Variants in ARB2A observed in about 807,000 individuals in gnomAD.
ARB2A encodes cotranscriptional regulator ARB2A.
At chr5:93,941,098 T>C in the ARB2A span, among the ~76,000 whole-genome samples, 3 of 152,152 alleles carry the variant, frequency 2.0e-5, no homozygotes, top group Admixed American at 6.5e-5. Context: ...TGATGACACT[T>C]TTCTCTAGGG....
chr5:94,098,344 T>C, the ARB2A span, among the ~76,000 whole-genome samples: 1 of 151,912 alleles, frequency 6.6e-6, no homozygotes, highest in Admixed American at 6.6e-5. Flanking sequence ...CTCAAAACCA[T>C]ACAAATACAT....
chr5:93,830,311 G>GTGTATGTGTGTGTATA, the ARB2A span, among the ~76,000 whole-genome samples: 4,192 of 81,478 alleles, frequency 0.051, 138 homozygotes, highest in African/African-American at 0.059. Flanking sequence ...GTGTGTGTGT[G>GTGTATGTGTGTGTATA]TATATATATA....
chr5:93,670,358 T>C, the ARB2A span, among the ~76,000 whole-genome samples: 1 of 152,240 alleles, frequency 6.6e-6, no homozygotes, highest in African/African-American at 2.4e-5. Context: ...CTCTAAGCAA[T>C]GTGGCTTCTG....
chr5:94,016,269 G>A, the ARB2A span, among the ~76,000 whole-genome samples: 2 of 152,162 alleles, frequency 1.3e-5, no homozygotes, highest in Non-Finnish European at 2.9e-5. Context: ...GGGGTATAGT[G>A]TTAAGAAAGT....
chr5:93,631,805 G>A, the ARB2A span, among the ~76,000 whole-genome samples: 1 of 151,274 alleles, frequency 6.6e-6, no homozygotes, highest in Non-Finnish European at 1.5e-5. Context: ...GATAGGGAGA[G>A]GGGGAGAGGG....
At chr5:93,800,066 T>G in the ARB2A span, among the ~76,000 whole-genome samples, 14 of 152,136 alleles carry the variant, frequency 9.2e-5, no homozygotes, top group East Asian at 2.3e-3. Context: ...AATGCACATA[T>G]CTATTTCTCT....
the ARB2A span, chr5:93,784,141 C>T: frequency 3.2e-6 from 1 of 312,086 alleles, no homozygotes; most frequent in Non-Finnish European, 5.8e-6. Flanking sequence ...ATAGATTGAA[C>T]ACTATACACA....
chr5:93,723,199 C>T, the ARB2A span, among the ~76,000 whole-genome samples: 3 of 152,224 alleles, frequency 2.0e-5, no homozygotes, highest in South Asian at 6.2e-4. Flanking sequence ...ATGACTTCAA[C>T]AAATCTCACC....
the ARB2A span, among the ~76,000 whole-genome samples, chr5:93,916,910 G>C: frequency 6.6e-6 from 1 of 151,962 alleles, no homozygotes; most frequent in East Asian, 1.9e-4. Context: ...ATTTTACAAA[G>C]AAAAGTATAA....
At chr5:93,737,270 G>T in the ARB2A span, 1 of 152,058 alleles carries the variant, frequency 6.6e-6, no homozygotes, top group Non-Finnish European at 1.5e-5. Context: ...CTAAAACACT[G>T]CTCAAAGAAA....
the ARB2A span, among the ~76,000 whole-genome samples, chr5:93,652,064 T>C: frequency 6.6e-6 from 1 of 152,120 alleles, no homozygotes; most frequent in Non-Finnish European, 1.5e-5. Flanking sequence ...AATAGCATAT[T>C]GGTAGACACA....
chr5:93,832,776 C>G, the ARB2A span, among the ~76,000 whole-genome samples: 1 of 152,124 alleles, frequency 6.6e-6, no homozygotes, highest in African/African-American at 2.4e-5. Context: ...TACTCCCCTA[C>G]AAGTGCTGAT....
chr5:93,957,822 C>T, the ARB2A span, among the ~76,000 whole-genome samples: 1 of 151,968 alleles, frequency 6.6e-6, no homozygotes, highest in African/African-American at 2.4e-5. Flanking sequence ...GAAATCCCTT[C>T]TAATTTTAAT....
the ARB2A span, among the ~76,000 whole-genome samples, chr5:94,094,789 G>A: frequency 6.6e-6 from 1 of 152,160 alleles, no homozygotes; most frequent in Non-Finnish European, 1.5e-5. Context: ...AAGTTCAGAG[G>A]ATTCCCAAAA....
the ARB2A span, among the ~76,000 whole-genome samples, chr5:93,864,965 T>C: frequency 6.6e-6 from 1 of 152,334 alleles, no homozygotes; most frequent in East Asian, 1.9e-4. Flanking sequence ...CACAATATTT[T>C]ATAAATAGTA....
chr5:93,855,759 TTTTC>T, the ARB2A span, among the ~76,000 whole-genome samples: 1 of 152,312 alleles, frequency 6.6e-6, no homozygotes. Context: ...TTGAAAATTC[TTTTC>T]TTTAAGAATG....
chr5:93,833,433 A>G, the ARB2A span, among the ~76,000 whole-genome samples: 1 of 152,230 alleles, frequency 6.6e-6, no homozygotes, highest in African/African-American at 2.4e-5. Flanking sequence ...AACTTTGGAT[A>G]AAGCGTAAGT....
the ARB2A span, among the ~76,000 whole-genome samples, chr5:94,046,805 G>C: frequency 6.6e-6 from 1 of 152,096 alleles, no homozygotes; most frequent in Non-Finnish European, 1.5e-5. Flanking sequence ...CAGAATCAAT[G>C]AAAAGACAGG....
chr5:93,798,043 C>T, the ARB2A span, among the ~76,000 whole-genome samples: 7 of 152,084 alleles, frequency 4.6e-5, no homozygotes, highest in East Asian at 3.9e-4. Flanking sequence ...TTGAGGGGAA[C>T]GTTTATTGTA....
Sources: gnomAD v4.1 joint callset for allele counts (sites outside exome capture counted in the v4.1 genomes callset) on GRCh38, gnomAD v4.1.1 for gene constraint, MANE v1.5 for transcripts, NCBI Gene and HGNC (gene_info 2026-07-23, HGNC 2026-07-21) for gene names.